The following SLC35F3 variants were observed in gnomAD, a reference collection of about 807,000 sequenced individuals.
The protein encoded by SLC35F3 is putative thiamine transporter SLC35F3.
SLC35F3 carries 25 observed loss-of-function variants against 49.9 expected under a neutral mutation model. That is an observed-to-expected ratio of 0.50 (90% CI 0.37 to 0.70). The LOEUF is 0.70. Ranked by LOEUF, SLC35F3 falls within the 30% of genes least tolerant of loss-of-function variation. The pLI is 0.00. For missense variants in SLC35F3, 525 were observed against 639.8 expected (o/e 0.82, Z 1.94); for synonymous variants, 275 against 265.4 (o/e 1.04, Z -0.35).
chr1:234,021,604 C>A (rs1401687275), intron 2 of SLC35F3, among the ~76,000 whole-genome samples: 1 of 152,090 alleles, frequency 6.6e-6, no homozygotes, highest in African/African-American at 2.4e-5. Flanking sequence ...ATGATATAAC[C>A]CAGCCAAAGG....
intron 2 of SLC35F3, among the ~76,000 whole-genome samples, chr1:234,226,853 G>T (rs1421297229): frequency 2.0e-5 from 3 of 152,148 alleles, no homozygotes; most frequent in Admixed American, 6.5e-5. Context: ...CACTAAGACA[G>T]GGCTAAAATG....
intron 2 of SLC35F3, among the ~76,000 whole-genome samples, chr1:234,193,593 T>C (rs1666761991): frequency 6.6e-6 from 1 of 151,996 alleles, no homozygotes; most frequent in South Asian, 2.1e-4. Flanking sequence ...AATAAATAGG[T>C]GGGACTTAAT....
intron 2 of SLC35F3, among the ~76,000 whole-genome samples, chr1:234,030,704 T>C (rs763076949): frequency 6.6e-6 from 1 of 152,140 alleles, no homozygotes; most frequent in Non-Finnish European, 1.5e-5. Context: ...AAAACAAGTG[T>C]TTTTGTATAT....
At chr1:234,154,051 G>C (rs1164435435) in intron 2 of SLC35F3, among the ~76,000 whole-genome samples, 1 of 150,252 alleles carries the variant, frequency 6.7e-6, no homozygotes, top group Non-Finnish European at 1.5e-5. Context: ...AACAGAGCGA[G>C]ACTCCGTCTC....
intron 3 of SLC35F3, among the ~76,000 whole-genome samples, chr1:234,258,174 G>A (rs1188506860): frequency 6.6e-6 from 1 of 152,144 alleles, no homozygotes; most frequent in Non-Finnish European, 1.5e-5. Flanking sequence ...GGTGGGCAAG[G>A]GTTTAGGGAA....
intron 3 of SLC35F3, among the ~76,000 whole-genome samples, chr1:234,297,472 C>T (rs1436131530): frequency 6.6e-6 from 1 of 152,184 alleles, no homozygotes; most frequent in African/African-American, 2.4e-5. Flanking sequence ...AGAAGGAAAT[C>T]CTGCCATCTG....
At chr1:234,041,355 C>T (rs1664218832) in intron 2 of SLC35F3, among the ~76,000 whole-genome samples, 1 of 152,114 alleles carries the variant, frequency 6.6e-6, no homozygotes, top group South Asian at 2.1e-4. Context: ...TCGCTGTGAT[C>T]TCCAGGAAGG....
At chr1:234,086,283 G>C (rs2102874993) in intron 2 of SLC35F3, among the ~76,000 whole-genome samples, 1 of 152,274 alleles carries the variant, frequency 6.6e-6, no homozygotes, top group South Asian at 2.1e-4. Flanking sequence ...CAAGCTTAAG[G>C]TGCATTCTGA....
intron 2 of SLC35F3, among the ~76,000 whole-genome samples, chr1:234,139,999 T>TAAAATAAAATAAAAA (rs1299007462): frequency 9.1e-6 from 1 of 110,004 alleles, no homozygotes; most frequent in Non-Finnish European, 2.2e-5. Flanking sequence ...TAAAATAAAA[T>TAAAATAAAATAAAAA]AAAGTAAGTG....
chr1:234,260,126 T>C (rs143585874), intron 3 of SLC35F3, among the ~76,000 whole-genome samples: 316 of 152,272 alleles, frequency 2.1e-3, no homozygotes, highest in Non-Finnish European at 3.9e-3. Flanking sequence ...TCAGTTGGCA[T>C]GATAAGTGAA....
At chr1:234,042,567 A>G (rs183847670) in intron 2 of SLC35F3, among the ~76,000 whole-genome samples, 256 of 152,300 alleles carry the variant, frequency 1.7e-3, no homozygotes, top group African/African-American at 5.8e-3. Context: ...AAGAGCATGC[A>G]TCTGTCTTTT....
chr1:234,086,694 A>G (rs1664966840), intron 2 of SLC35F3, among the ~76,000 whole-genome samples: 1 of 152,156 alleles, frequency 6.6e-6, no homozygotes, highest in South Asian at 2.1e-4. Context: ...GGCTGAAAAT[A>G]CCTACCCTAG....
chr1:234,037,598 A>G (rs531216311), intron 2 of SLC35F3, among the ~76,000 whole-genome samples: 11 of 152,352 alleles, frequency 7.2e-5, no homozygotes, highest in Admixed American at 3.9e-4. Flanking sequence ...AAATAAGTGG[A>G]TGGATAATAG....
chr1:234,001,226 A>G (rs907622210), intron 2 of SLC35F3, among the ~76,000 whole-genome samples: 1 of 152,190 alleles, frequency 6.6e-6, no homozygotes, highest in Non-Finnish European at 1.5e-5. Flanking sequence ...ATGCTTTATG[A>G]CATATCAAGA....
chr1:233,996,444 T>C (rs1221806237), intron 2 of SLC35F3, among the ~76,000 whole-genome samples: 1 of 152,078 alleles, frequency 6.6e-6, no homozygotes, highest in Non-Finnish European at 1.5e-5. Context: ...GCATGTGTTA[T>C]TCCTAGTGCT....
chr1:233,972,137 T>C (rs11587514), intron 2 of SLC35F3, among the ~76,000 whole-genome samples: 62,786 of 152,074 alleles, frequency 0.41, 14,117 homozygotes, highest in East Asian at 0.77. Flanking sequence ...GCTGCAAATG[T>C]GTGATTGTCT....
intron 2 of SLC35F3, among the ~76,000 whole-genome samples, chr1:234,065,615 A>G (rs1333368216): frequency 6.6e-6 from 1 of 152,176 alleles, no homozygotes; most frequent in Non-Finnish European, 1.5e-5. Flanking sequence ...GTCTGCCACG[A>G]GCGCTATGAG....
chr1:233,927,623 T>C (rs553383589), intron 2 of SLC35F3, among the ~76,000 whole-genome samples: 2 of 152,210 alleles, frequency 1.3e-5, no homozygotes, highest in East Asian at 3.9e-4. Context: ...AACTGAAATT[T>C]TAACCCAATT....
intron 2 of SLC35F3, among the ~76,000 whole-genome samples, chr1:233,925,151 T>G (rs1662136031): frequency 2.6e-5 from 4 of 152,078 alleles, no homozygotes; most frequent in Admixed American, 2.6e-4. Context: ...TATTAGGTCC[T>G]CTTGGTGCAG....
Sources: allele counts gnomAD v4.1 joint callset (sites outside exome capture counted in the v4.1 genomes callset), GRCh38; gene constraint gnomAD v4.1.1; transcripts MANE v1.5; gene names NCBI Gene and HGNC (gene_info 2026-07-23, HGNC 2026-07-21).